Variants in CNTNAP3 observed in about 807,000 individuals in gnomAD.
CNTNAP3 encodes the protein contactin-associated protein-like 3.
Under a neutral mutation model 92.1 loss-of-function variants are expected in CNTNAP3, and 36 were observed. The observed-to-expected ratio is 0.39, with a 90% CI of 0.30 to 0.52. CNTNAP3 has a LOEUF of 0.52. Among genes scored for constraint, CNTNAP3 ranks in the 20% least tolerant of loss-of-function variants. The pLI, the probability that CNTNAP3 is intolerant of heterozygous loss-of-function variation, is 0.76. For missense variants in CNTNAP3, 534 were observed against 1,069.6 expected, an observed-to-expected ratio of 0.50 and a Z score of 6.98; for synonymous variants, 232 against 422.3, an observed-to-expected ratio of 0.55 and a Z score of 5.53.
chr9:39,077,906 C>A (rs1422810550), intron 23 of CNTNAP3, among the ~76,000 whole-genome samples: 1 of 152,076 alleles, frequency 6.6e-6, no homozygotes, highest in Non-Finnish European at 1.5e-5. Context: ...GCAAATATTG[C>A]CTTAGAAAAT....
At chr9:39,115,769 G>T (rs1289045107) in intron 14 of CNTNAP3, among the ~76,000 whole-genome samples, 1 of 151,914 alleles carries the variant, frequency 6.6e-6, no homozygotes, top group African/African-American at 2.4e-5. Context: ...ATGGCTAAGG[G>T]TATCAGAGGA....
chr9:39,151,326 G>A (rs1587734671), intron 9 of CNTNAP3, among the ~76,000 whole-genome samples: 1 of 147,256 alleles, frequency 6.8e-6, no homozygotes, highest in African/African-American at 2.6e-5. Flanking sequence ...AGGCCAAGGC[G>A]GGCGGATCAT....
chr9:39,110,063 G>A (rs1335553661), intron 14 of CNTNAP3, among the ~76,000 whole-genome samples: 1 of 152,128 alleles, frequency 6.6e-6, no homozygotes, highest in Non-Finnish European at 1.5e-5. Flanking sequence ...ACTAATGAGT[G>A]TGAAAGTGGT....
intron 14 of CNTNAP3, among the ~76,000 whole-genome samples, chr9:39,113,706 A>G (rs903893401): frequency 6.6e-6 from 1 of 152,078 alleles, no homozygotes; most frequent in African/African-American, 2.4e-5. Context: ...AGTTTCCATC[A>G]TGACAATTCC....
intron 13 of CNTNAP3, among the ~76,000 whole-genome samples, chr9:39,118,870 C>T (rs1455999301): frequency 2.0e-5 from 3 of 152,278 alleles, no homozygotes; most frequent in East Asian, 1.9e-4. Context: ...ACAAAGTGCC[C>T]TGGGTCAACT....
intron 21 of CNTNAP3, among the ~76,000 whole-genome samples, chr9:39,081,416 G>T (rs1001412339): frequency 6.6e-6 from 1 of 151,140 alleles, no homozygotes; most frequent in African/African-American, 2.4e-5. Flanking sequence ...CAACTTCGGG[G>T]TCCTGCACCC....
At chr9:39,141,658 C>T (rs181353034) in intron 11 of CNTNAP3, among the ~76,000 whole-genome samples, 5,839 of 152,140 alleles carry the variant, frequency 0.038, 161 homozygotes, top group Non-Finnish European at 0.061. Flanking sequence ...TTTTTTGCCA[C>T]TTATGGCATA....
At chr9:39,076,042 G>A (rs1164625940) in intron 23 of CNTNAP3, among the ~76,000 whole-genome samples, 2 of 152,300 alleles carry the variant, frequency 1.3e-5, no homozygotes, top group South Asian at 2.1e-4. Context: ...AAGCCCAGGG[G>A]AAGCCTTCCA....
At chr9:39,138,469 AAAC>A (rs1821495044) in intron 12 of CNTNAP3, among the ~76,000 whole-genome samples, 2 of 152,218 alleles carry the variant, frequency 1.3e-5, no homozygotes, top group Admixed American at 1.3e-4. Flanking sequence ...AAACAAAACA[AAAC>A]AAAACAAGAA....
chr9:39,105,379 A>C (rs1467318680), intron 15 of CNTNAP3, among the ~76,000 whole-genome samples: 6 of 152,192 alleles, frequency 3.9e-5, no homozygotes, highest in Non-Finnish European at 7.3e-5. Flanking sequence ...GTGAGGTGAG[A>C]TCATGCCACT....
rs1554653666 is a variant in CNTNAP3, at chr9:39,217,381, T to TATATATAC, written c.390+21611_390+21612insGTATATAT. ...GAGTATATATATATATATATATATA[T>TATATATAC]ATATATATATATATATATATTCATT... On this transcript the variant is annotated intron_variant, in intron 3 of 23. Transcript: ENST00000297668. 3.6e-4 allele frequency among the ~76,000 whole-genome samples: 9 copies of TATATATAC among 24,858 alleles called. 2 individuals are homozygous for TATATATAC. The highest frequency in any genetic ancestry group is 5.8e-4 in the African/African-American group (9 of 15,440). The allele number at this position is 24,858 out of a possible 152,430, so 16.3% of individuals were successfully genotyped here.
chr9:39,109,651 CTTTT>C (rs1395615534), intron 14 of CNTNAP3, among the ~76,000 whole-genome samples: 1 of 152,076 alleles, frequency 6.6e-6, no homozygotes, highest in African/African-American at 2.4e-5. Context: ...ATGAAATATT[CTTTT>C]TATTTTTCAA....
At chr9:39,125,635 A>G (rs1821136641) in intron 13 of CNTNAP3, among the ~76,000 whole-genome samples, 1 of 152,190 alleles carries the variant, frequency 6.6e-6, no homozygotes, top group African/African-American at 2.4e-5. Flanking sequence ...GAGCTAGAGA[A>G]AGATATACCA....
intron 21 of CNTNAP3, 68 bp from the exon 22 acceptor site, chr9:39,078,988 A>T: frequency 6.9e-7 from 1 of 1,449,752 alleles, no homozygotes; most frequent in Non-Finnish European, 9.3e-7. Flanking sequence ...CACACCCCGC[A>T]TCTGCAAGAC....
intron 15 of CNTNAP3, chr9:39,106,715 A>G (rs1206252342): frequency 6.6e-6 from 1 of 152,172 alleles, no homozygotes; most frequent in African/African-American, 2.4e-5. Flanking sequence ...CCAGAGAGAA[A>G]ATAATCTAGA....
intron 14 of CNTNAP3, among the ~76,000 whole-genome samples, chr9:39,114,351 C>T (rs925696292): frequency 3.3e-5 from 5 of 152,142 alleles, no homozygotes; most frequent in African/African-American, 9.7e-5. Context: ...TCCCAAAGTG[C>T]TGGGATTACA....
intron 13 of CNTNAP3, among the ~76,000 whole-genome samples, chr9:39,118,518 T>G (rs1820917207): frequency 6.6e-6 from 1 of 152,110 alleles, no homozygotes; most frequent in Non-Finnish European, 1.5e-5. Flanking sequence ...CAGTTGCATG[T>G]GATACATACT....
At position 39,070,265 on chromosome 9, in the gene CNTNAP3, A is replaced by G. The variant is rs3898066; in HGVS notation, c.*3625T>C. ...AACAGCTAAGATTTGGAAACACCCT[A>G]AGTGTTCATCAACAGATGAATGAAG... On this transcript the variant is annotated 3_prime_UTR_variant, in exon 24 of 24. Coordinates refer to ENST00000297668, the MANE Select transcript of CNTNAP3 (RefSeq NM_033655.5). 8.5e-3 allele frequency among the ~76,000 whole-genome samples: 973 copies of G among 114,176 alleles called. 22 individuals are homozygous for G. In the East Asian group the frequency reaches 0.09, roughly 11 times the overall value. The allele number at this position is 114,176 out of a possible 152,430, so 74.9% of individuals were successfully genotyped here.
At chr9:39,136,487 C>CTGT (rs1821439294) in intron 12 of CNTNAP3, among the ~76,000 whole-genome samples, 1 of 151,868 alleles carries the variant, frequency 6.6e-6, no homozygotes, top group Non-Finnish European at 1.5e-5. Flanking sequence ...TGTTTTCTCT[C>CTGT]TTTCACACTT....
Sources: allele counts gnomAD v4.1 joint callset (sites outside exome capture counted in the v4.1 genomes callset), GRCh38; gene constraint gnomAD v4.1.1; transcripts MANE v1.5; gene names NCBI Gene and HGNC (gene_info 2026-07-23, HGNC 2026-07-21).